The following ZNF83 variants were observed in gnomAD, a reference collection of about 807,000 sequenced individuals.
ZNF83 encodes the protein zinc finger protein 816B.
For synonymous variants in ZNF83, 209 were observed against 213.0 expected, an observed-to-expected ratio of 0.98 and a Z score of 0.17; for missense variants, 552 against 629.9, an observed-to-expected ratio of 0.88 and a Z score of 1.32.
intron 1 of ZNF83, among the ~76,000 whole-genome samples, chr19:52,689,501 T>C (rs1466309488): frequency 1.3e-5 from 2 of 152,032 alleles, no homozygotes; most frequent in African/African-American, 2.4e-5. Context: ...TGGCTCCAAA[T>C]CCCTCCTCCT....
rs942528924 is a variant in ZNF83 at position 52,661,018 on chromosome 19, C to T, written c.-282-175G>A. 3.9e-5 allele frequency among the ~76,000 whole-genome samples: 6 copies of T among 152,120 alleles called. No homozygotes were observed. The East Asian group carries it at 7.8e-4, about 20-fold the overall frequency. ...TAGCTGGGATTCAAGCCATACTCCA[C>T]GATGCACAGCTAATTTTTGTATTTT... On this transcript the variant is annotated intron_variant, in intron 1 of 5. Coordinates refer to the ZNF83 transcript ENST00000594682.
At chr19:52,643,971 G>A (rs1219644239) in intron 3 of ZNF83, among the ~76,000 whole-genome samples, 1 of 152,124 alleles carries the variant, frequency 6.6e-6, no homozygotes, top group Non-Finnish European at 1.5e-5. Context: ...GGAGGAAGCT[G>A]GACACTGGCA....
In ZNF83 at chr19:52,656,022, G is replaced by A. The variant is rs552093452; in HGVS notation, c.-200-335C>T. ...GCTCAGGAGTTCGAGACCACCCAGG[G>A]CAACATGGTGAAACCAAGTCTCTAC... On this transcript the variant is annotated intron_variant, in intron 2 of 5. Transcript: ENST00000594682. 2.0e-5 allele frequency among the ~76,000 whole-genome samples: 3 copies of A among 152,114 alleles called. No individual in the cohort carries two copies. In the South Asian group the frequency reaches 6.2e-4, roughly 32 times the overall value.
intron 2 of ZNF83, among the ~76,000 whole-genome samples, chr19:52,623,810 A>G (rs1386194981): frequency 6.6e-6 from 1 of 152,122 alleles, no homozygotes; most frequent in Non-Finnish European, 1.5e-5. Flanking sequence ...AAAACTCCTT[A>G]TGATTCCCCC....
chr19:52,672,853 G>A (rs1340010808), intron 1 of ZNF83, among the ~76,000 whole-genome samples: 1 of 152,134 alleles, frequency 6.6e-6, no homozygotes, highest in African/African-American at 2.4e-5. Flanking sequence ...TGGGATTACA[G>A]ACATGAGCCA....
chr19:52,632,753 C>T (rs913738494), intron 2 of ZNF83, among the ~76,000 whole-genome samples: 5 of 152,162 alleles, frequency 3.3e-5, no homozygotes, highest in African/African-American at 9.7e-5. Context: ...TTTTCTCCTT[C>T]TCTTATTCCG....
chr19:52,615,982 G>A (rs1239032890), intron 2 of ZNF83, among the ~76,000 whole-genome samples: 1 of 152,164 alleles, frequency 6.6e-6, no homozygotes, highest in Non-Finnish European at 1.5e-5. Flanking sequence ...GGGATTACAG[G>A]CGACTGCCAC....
upstream of ZNF83, among the ~76,000 whole-genome samples, chr19:52,641,005 G>A (rs2061296364): frequency 6.6e-6 from 1 of 152,066 alleles, no homozygotes; most frequent in Admixed American, 6.6e-5. Context: ...GACATCTGGG[G>A]CCCAGCTGAG....
chr19:52,681,412 T>C (rs2061918543), intron 1 of ZNF83, among the ~76,000 whole-genome samples: 1 of 151,266 alleles, frequency 6.6e-6, no homozygotes, highest in Non-Finnish European at 1.5e-5. Context: ...CAAAGTCCAA[T>C]GAATTTGATA....
intron 2 of ZNF83, among the ~76,000 whole-genome samples, chr19:52,657,130 A>G (rs2061517005): frequency 6.6e-6 from 1 of 151,782 alleles, no homozygotes; most frequent in South Asian, 2.1e-4. Flanking sequence ...ACCCTCCCAA[A>G]AGTTGGAAGC....
At chr19:52,617,016 T>C (rs542269542) in intron 2 of ZNF83, 3 of 151,760 alleles carry the variant, frequency 2.0e-5, no homozygotes, top group Non-Finnish European at 2.9e-5. Flanking sequence ...GGAAGCAACA[T>C]AGAGCAGGGC....
intron 2 of ZNF83, chr19:52,619,108 T>TC: frequency 6.2e-7 from 1 of 1,612,084 alleles, no homozygotes; most frequent in Non-Finnish European, 8.5e-7. Flanking sequence ...GGAGGAGTTC[T>TC]TATCTTTACA....
intron 1 of ZNF83, among the ~76,000 whole-genome samples, chr19:52,680,354 C>A (rs771904902): frequency 3.9e-5 from 6 of 152,086 alleles, no homozygotes; most frequent in South Asian, 2.1e-4. Context: ...AAGCCCTCTG[C>A]GCAGGGTTCA....
chr19:52,674,532 A>C (rs376548817), intron 1 of ZNF83, among the ~76,000 whole-genome samples: 14 of 152,296 alleles, frequency 9.2e-5, no homozygotes, highest in East Asian at 7.7e-4. Flanking sequence ...AGTCACAAAG[A>C]CTCAACCAAA....
chr19:52,620,903 C>G (rs954874868), intron 2 of ZNF83, among the ~76,000 whole-genome samples: 1 of 152,186 alleles, frequency 6.6e-6, no homozygotes, highest in Non-Finnish European at 1.5e-5. Flanking sequence ...CCACCATGCA[C>G]TTTGTGACCC....
chr19:52,630,698 C>T (rs1381239987), intron 2 of ZNF83, among the ~76,000 whole-genome samples: 2 of 152,042 alleles, frequency 1.3e-5, no homozygotes, highest in Non-Finnish European at 2.9e-5. Context: ...TCCCTGGCAA[C>T]TGCTCACATG....
rs371697461 is a variant in ZNF83, at chr19:52,629,383, A to G, written c.-234+5683T>C. The stretch of plus-strand genomic sequence containing the variant: ...GCCTGTTCCCTCAGTCCCAACCCCA[A>G]GCATCGCTGAGTCTTTCTAATCTTC... On this transcript the variant is annotated intron_variant, in intron 2 of 2. Transcript: ENST00000301096. Among the ~76,000 whole-genome samples the G allele has an allele frequency of 3.3e-5, 5 of 152,020 alleles. No individual in the cohort carries two copies. The East Asian group carries it at 9.7e-4, about 29-fold the overall frequency.
At chr19:52,653,260 T>C in intron 3 of ZNF83, 2 of 1,504,888 alleles carry the variant, frequency 1.3e-6, no homozygotes, top group South Asian at 1.1e-5. Flanking sequence ...AAGCCTATAA[T>C]GACATGCAAG....
At chr19:52,628,276 C>T (rs899737847) in intron 2 of ZNF83, among the ~76,000 whole-genome samples, 9 of 152,150 alleles carry the variant, frequency 5.9e-5, no homozygotes, top group African/African-American at 2.2e-4. Flanking sequence ...TGAGGAAGAT[C>T]CACCTACGAC....
Sources: allele counts gnomAD v4.1 joint callset (sites outside exome capture counted in the v4.1 genomes callset), GRCh38; gene constraint gnomAD v4.1.1; transcripts MANE v1.5; gene names NCBI Gene and HGNC (gene_info 2026-07-23, HGNC 2026-07-21).